Variants in TBX3 observed in about 807,000 individuals in gnomAD.
The protein encoded by TBX3 is T-box transcription factor 3.
A neutral mutation model predicts 47.8 loss-of-function variants in TBX3; 11 were observed. That is an observed-to-expected ratio of 0.23 (90% CI 0.14 to 0.38). The LOEUF is 0.38. Ranked by LOEUF, TBX3 falls within the 10% of genes least tolerant of loss-of-function variation. TBX3 has a pLI of 1.00. For synonymous variants in TBX3, 500 were observed against 449.3 expected (o/e 1.11, Z -1.43); for missense variants, 927 against 1,022.8 (o/e 0.91, Z 1.28).
rs1869039060 is a variant in TBX3 at position 114,683,425 on chromosome 12, C to T, written c.-225G>A. 1.6e-6 allele frequency: 1 copy of T among 606,850 alleles called. No individual in the cohort carries two copies. 37.6% of individuals were successfully genotyped at this position (606,850 alleles called of 1,614,324 possible). Reference sequence around the variant, plus strand: ...AATGGGAGGCCGCTTTTAAAGAGGGCAAGGCGAAAAATCAGCAAACATAGT... The same window carrying T: ...AATGGGAGGCCGCTTTTAAAGAGGGTAAGGCGAAAAATCAGCAAACATAGT... On this transcript the variant is annotated 5_prime_UTR_variant, in exon 1 of 7. Coordinates refer to ENST00000349155, the MANE Select transcript of TBX3 (RefSeq NM_005996.4). This position sits in a 1 kb window ranked among gnomAD's most constrained non-coding sequence, Gnocchi z 7.7.
rs2121376499 is a variant in TBX3, at chr12:114,672,108, C to T, written c.1905G>A (p.Leu635=). 6.4e-7 allele frequency: 1 copy of T among 1,568,572 alleles called. No individual in the cohort carries two copies. Among genetic ancestry groups the T allele is most frequent in the Non-Finnish European group, 8.6e-7 (1 of 1,156,930 alleles). Residue 635 remains leucine, a synonymous_variant, in exon 7 of 7, where the codon CTG becomes CTA. Coordinates refer to ENST00000349155, the MANE Select transcript of TBX3 (RefSeq NM_005996.4). The part of the protein sequence containing the change: ...IPVPVPDGSS[L]LTTALPSMAA... ...CCATGGAGGGCAGGGCGGTGGTGAG[C>T]AGACTGCTGCCGTCCGGGACCGGCA... is the stretch of plus-strand genomic sequence containing the variant.
chr12:114,682,444 AC>A (rs753685097), intron 1 of TBX3, among the ~76,000 whole-genome samples: 1 of 152,214 alleles, frequency 6.6e-6, no homozygotes, highest in Non-Finnish European at 1.5e-5. Flanking sequence ...AATAAAACAG[AC>A]AACACAACAT....
In TBX3 at chr12:114,681,017, A is replaced by G; in HGVS notation, c.519T>C (p.Ala173=). The change falls in exon 2 of 7, where the codon GCT becomes GCC. Residue 173 remains alanine (A), a synonymous_variant. Coordinates refer to ENST00000349155, the MANE Select transcript of TBX3 (RefSeq NM_005996.4). ...YKFHNSRWMV[A]GKADPEMPKR... ...TTGGCATTTCGGGGTCGGCCTTACC[A>G]GCCACCATCCACCGAGAATTGTGAA... 1 of 1,614,168 alleles carries G rather than the reference A, an allele frequency of 6.2e-7. No homozygotes were observed. The highest frequency in any genetic ancestry group is 8.5e-7 in the Non-Finnish European group (1 of 1,180,030).
Position 114,671,690 on chromosome 12 carries a change from A to T in TBX3, c.*151T>A. Reference sequence around the variant, plus strand: ...CAAGAAGACAGGGGCTGTCTCTAGCACATTCTCTCGAGGGAGTCCGGGGCC... The same window carrying T: ...CAAGAAGACAGGGGCTGTCTCTAGCTCATTCTCTCGAGGGAGTCCGGGGCC... On this transcript the variant is annotated 3_prime_UTR_variant, in exon 7 of 7. Coordinates refer to ENST00000349155, the MANE Select transcript of TBX3 (RefSeq NM_005996.4). 2 of 911,754 alleles carry T rather than the reference A, an allele frequency of 2.2e-6. No individual in the cohort carries two copies. The highest frequency in any genetic ancestry group is 3.4e-6 in the Non-Finnish European group (2 of 580,000). 56.5% of individuals were successfully genotyped at this position (911,754 alleles called of 1,614,324 possible).
Position 114,672,184 on chromosome 12 carries a change from T to A in TBX3, c.1829A>T (p.Asn610Ile). 1 of 1,572,722 alleles carries A rather than the reference T, an allele frequency of 6.4e-7. No homozygotes were observed. The highest frequency in any genetic ancestry group is 8.6e-7 in the Non-Finnish European group (1 of 1,160,036). The change falls in exon 7 of 7, where the codon AAT becomes ATT. Residue 610 changes from asparagine to isoleucine, a missense_variant. Physicochemically the swap from Asn to Ile is moderately radical, Grantham distance 149. Coordinates refer to ENST00000349155, the MANE Select transcript of TBX3 (RefSeq NM_005996.4). ...SSSVHRHPFL[N>I]LNTMRPRLRY... ...CAGCCGCGGGCGCATGGTGTTCAGA[T>A]TGAGGAAGGGGTGGCGGTGCACCGA...
chr12:114,679,676 A>T (rs1565861284), intron 2 of TBX3, 25 bp from the exon 3 acceptor site: 5 of 1,614,126 alleles, frequency 3.1e-6, no homozygotes, highest in Non-Finnish European at 4.2e-6. Flanking sequence ...AAGAGGAGAC[A>T]TACATAAAAC....
intron 3 of TBX3, 81 bp from the exon 4 acceptor site, chr12:114,677,737 AAGTCT>A: frequency 7.6e-7 from 1 of 1,322,974 alleles, no homozygotes. Flanking sequence ...CCAACTCAAC[AAGTCT>A]AGAGATGTGA....
In TBX3 at chr12:114,670,959, TA is replaced by T. The variant is rs1349922662; in HGVS notation, c.*881del. 6 of 211,168 alleles carry T rather than the reference TA, an allele frequency of 2.8e-5. No homozygotes were observed. The highest frequency in any genetic ancestry group is 4.5e-5 in the African/African-American group (2 of 44,260). 13.1% of individuals were successfully genotyped at this position (211,168 alleles called of 1,614,324 possible). A position where few individuals can be genotyped will look rare whatever the true frequency, so the allele number is the denominator to read the frequency against. ...TTGTCTAATAGTCTCACTTCTTTAT[TA>T]TTTTTTTAAAACCTTGTTATTGCAT... On this transcript the variant is annotated 3_prime_UTR_variant, in exon 7 of 7. Coordinates refer to ENST00000349155, the MANE Select transcript of TBX3 (RefSeq NM_005996.4).
intron 6 of TBX3, among the ~76,000 whole-genome samples, 196 bp from the exon 7 acceptor site, chr12:114,672,498 T>C (rs1868496546): frequency 6.6e-6 from 1 of 151,656 alleles, no homozygotes; most frequent in Non-Finnish European, 1.5e-5. Flanking sequence ...CAGAAATCTC[T>C]AGGTACAAAT....
intron 2 of TBX3, chr12:114,680,378 A>G: frequency 3.4e-6 from 1 of 292,410 alleles, no homozygotes; most frequent in Non-Finnish European, 6.4e-6. Context: ...AGCCTCATTT[A>G]GGGTAAGCCG....
intron 4 of TBX3, 123 bp downstream of exon 4, chr12:114,677,457 A>G (rs1868758570): frequency 3.3e-6 from 3 of 914,548 alleles, no homozygotes; most frequent in Non-Finnish European, 5.3e-6. Flanking sequence ...AGCAGTGGGG[A>G]AAGTGAATGA....
chr12:114,674,536 C>T lies in TBX3; in HGVS notation c.1339G>A (p.Val447Met), dbSNP rs1039440316. Residue 447 changes from valine to methionine, a missense_variant, in exon 6 of 7, where the codon GTG (valine) becomes ATG (methionine). Physicochemically the swap from Val to Met is conservative, Grantham distance 21 (BLOSUM62 1). Transcript: ENST00000349155. ...CCCGGGAGCGCGCGCGCCTCTTCCACCTTGGCCGGCGCTGTGCCCTCGCGA... is the reference window on the plus strand; with the variant it reads ...CCCGGGAGCGCGCGCGCCTCTTCCATCTTGGCCGGCGCTGTGCCCTCGCGA... ...PVREGTAPAK[V>M]EEARALPGKE... 23 of 1,536,876 alleles carry T rather than the reference C, an allele frequency of 1.5e-5. No homozygotes were observed. The highest frequency in any genetic ancestry group is 1.2e-4 in the Admixed American group (6 of 49,320).
In TBX3 at chr12:114,679,599, G is replaced by T. The variant is rs1176249608; in HGVS notation, c.710C>A (p.Ala237Asp). Residue 237 changes from alanine (A) to aspartate (D), a missense_variant, in exon 3 of 7, where the codon GCC (alanine) becomes GAC (aspartate). Transcript: ENST00000349155. ...KYQPRFHIVR[A>D]NDILKLPYST... The stretch of plus-strand genomic sequence containing the variant: ...ATAAGGGAGTTTCAAGATGTCATTG[G>T]CTCTTACAATGTGGAACCGGGGCTG... 6.2e-7 allele frequency: 1 copy of T among 1,614,000 alleles called. No individual in the cohort carries two copies. Among genetic ancestry groups the T allele is most frequent in the African/African-American group, 1.3e-5 (1 of 74,902 alleles).
At position 114,671,954 on chromosome 12, in the gene TBX3, A is replaced by C; in HGVS notation, c.2059T>G (p.Ser687Ala). ...TCTTTCTCCGCGCAGAGTTTGGGCG[A>C]CAAGGACATGGAGCTGGAGGAGAGC... ...STLSSSSMSL[S>A]PKLCAEKEAA... Residue 687 changes from serine (S) to alanine (A), a missense_variant, in exon 7 of 7, where the codon TCG becomes GCG. Physicochemically the swap from Ser to Ala is moderately conservative, Grantham distance 99. This residue lies in a region of TBX3 where 623 missense variants were observed against 569.0 expected (regional missense o/e 1.09). Coordinates refer to ENST00000349155, the MANE Select transcript of TBX3 (RefSeq NM_005996.4). 6.3e-7 allele frequency: 1 copy of C among 1,598,792 alleles called. No homozygotes were observed. The highest frequency in any genetic ancestry group is 8.5e-7 in the Non-Finnish European group (1 of 1,172,784).
At chr12:114,680,326 T>C (rs1305070305) in intron 2 of TBX3, 1 of 351,962 alleles carries the variant, frequency 2.8e-6, no homozygotes, top group East Asian at 6.6e-5. Context: ...TGAATCCATA[T>C]ATACACTCCC....
rs2121376726 is a variant in TBX3, at chr12:114,672,130, G to A, written c.1883C>T (p.Pro628Leu). 1.3e-6 allele frequency: 2 copies of A among 1,571,332 alleles called. No individual in the cohort carries two copies. The highest frequency in any genetic ancestry group is 1.7e-6 in the Non-Finnish European group (2 of 1,158,506). Reference sequence around the variant, plus strand: ...GAGCAGACTGCTGCCGTCCGGGACCGGCACCGGGATGGAGTAGGGGCTGTA... The same window carrying A: ...GAGCAGACTGCTGCCGTCCGGGACCAGCACCGGGATGGAGTAGGGGCTGTA... ...LRYSPYSIPV[P>L]VPDGSSLLTT... The change falls in exon 7 of 7, where the codon CCG becomes CTG. Residue 628 changes from proline (P) to leucine (L), a missense_variant. Transcript: ENST00000349155.
At chr12:114,680,534 TA>T in intron 2 of TBX3, 1 of 394,306 alleles carries the variant, frequency 2.5e-6, no homozygotes, top group Non-Finnish European at 4.7e-6. Flanking sequence ...AGAAGTATGA[TA>T]TTTTAAAACA....
chr12:114,677,726 C>G, intron 3 of TBX3, 70 bp from the exon 4 acceptor site: 1 of 1,437,490 alleles, frequency 7.0e-7, no homozygotes, highest in Non-Finnish European at 9.8e-7. Context: ...GGGTGTTTTT[C>G]CCAACTCAAC....
In TBX3 at chr12:114,683,532, G is replaced by T. The variant is rs531760795; in HGVS notation, c.-332C>A. ...GTTTCAGAAGCGAGAGGAGCGAGCA[G>T]GGTCTCGACTCGCGCCCGAGCCCTG... On this transcript the variant is annotated 5_prime_UTR_variant, in exon 1 of 7. The change creates a new upstream start codon in the 5' untranslated region. Coordinates refer to ENST00000349155, the MANE Select transcript of TBX3 (RefSeq NM_005996.4). This position sits in a 1 kb window ranked among gnomAD's most constrained non-coding sequence, Gnocchi z 7.7. 2 of 365,720 alleles carry T rather than the reference G, an allele frequency of 5.5e-6. No homozygotes were observed. The highest frequency in any genetic ancestry group is 4.9e-5 in the South Asian group (1 of 20,246). The allele number at this position is 365,720 out of a possible 1,614,324, so 22.7% of individuals were successfully genotyped here.
Sources: allele counts gnomAD v4.1 joint callset (sites outside exome capture counted in the v4.1 genomes callset), GRCh38; gene constraint gnomAD v4.1.1; regional missense constraint gnomAD v4.1.1; non-coding constraint Gnocchi (gnomAD v3.1); transcripts MANE v1.5; gene names NCBI Gene and HGNC (gene_info 2026-07-23, HGNC 2026-07-21).